CDHR2: variants seen among roughly 807,000 people sequenced by gnomAD.
CDHR2 encodes the protein cadherin related family member 2, also known as cadherin-related family member 2.
CDHR2 carries 104 observed loss-of-function variants against 138.6 expected under a neutral mutation model. The ratio of observed to expected loss-of-function variants is 0.75; its 90% CI spans 0.64 to 0.88. The LOEUF (loss-of-function observed/expected upper bound fraction) is 0.88, where lower values mean the gene tolerates loss of function less well. CDHR2 is among the 40% of genes least tolerant of loss of function. The pLI, the probability that CDHR2 is intolerant of heterozygous loss-of-function variation, is 0.00. For synonymous variants in CDHR2, 755 were observed against 742.8 expected (o/e 1.02, Z -0.27); for missense variants, 1,624 against 1,727.6 (o/e 0.94, Z 1.06).
chr5:176,562,445 A>G (rs537936485), intron 1 of CDHR2, among the ~76,000 whole-genome samples: 2 of 151,698 alleles, frequency 1.3e-5, no homozygotes, highest in Non-Finnish European at 2.9e-5. Context: ...ACTCGGGAGG[A>G]GGGGTGGGCA....
intron 16 of CDHR2, among the ~76,000 whole-genome samples, chr5:176,580,429 T>G (rs1234971537): frequency 6.8e-6 from 1 of 146,916 alleles, no homozygotes; most frequent in Non-Finnish European, 1.5e-5. Context: ...CTTGGGAGGC[T>G]GAGGCAGGAG....
chr5:176,546,964 A>G (rs372516429), upstream of CDHR2, among the ~76,000 whole-genome samples: 8 of 134,118 alleles, frequency 6.0e-5, no homozygotes, highest in South Asian at 1.3e-3. Flanking sequence ...GGCTATACGC[A>G]AAGTGGTCTT....
rs1322344775 is a variant in CDHR2, at chr5:176,543,908, G to A, written c.-16+1139G>A. On this transcript the variant is annotated intron_variant, in intron 1 of 31. Coordinates refer to the CDHR2 transcript ENST00000510636. This position sits in a 1 kb window ranked among gnomAD's most constrained non-coding sequence, Gnocchi z 4.0. ...AGGGATTACGTTCCCCGCAACCCCT[G>A]TGTCCCCATCGCTAGAGCCAACCTG... is the stretch of plus-strand genomic sequence containing the variant. 1.3e-5 allele frequency among the ~76,000 whole-genome samples: 2 copies of A among 152,218 alleles called. No individual in the cohort carries two copies. The highest frequency in any genetic ancestry group is 6.5e-5 in the Admixed American group (1 of 15,284).
chr5:176,578,095 G>T lies in CDHR2; in HGVS notation c.1574G>T (p.Gly525Val). 6.2e-7 allele frequency: 1 copy of T among 1,612,316 alleles called. No homozygotes were observed. Among genetic ancestry groups the T allele is most frequent in the South Asian group, 1.1e-5 (1 of 90,896 alleles). The part of the protein sequence containing the change: ...QITYSLLPGN[G>V]ADLFQVDPVS... ...ACCTACAGCCTGCTCCCAGGAAATG[G>T]GTAAGGGCTCAGGGTGGGCCGTAGG... Residue 525 changes from glycine (G) to valine (V), a missense_variant and splice_region_variant, in exon 15 of 32, where the codon GGG becomes GTG. Coordinates refer to ENST00000261944, the MANE Select transcript of CDHR2 (RefSeq NM_017675.6).
chr5:176,555,617 A>T (rs1757802160), intron 1 of CDHR2, among the ~76,000 whole-genome samples: 1 of 152,084 alleles, frequency 6.6e-6, no homozygotes, highest in South Asian at 2.1e-4. Context: ...AAAACTCTGA[A>T]ATGGGCCAAG....
chr5:176,583,973 A>G (rs1184206164), intron 17 of CDHR2, among the ~76,000 whole-genome samples: 9 of 152,142 alleles, frequency 5.9e-5, no homozygotes, highest in Admixed American at 5.9e-4. Flanking sequence ...ATGGATGTGT[A>G]AGGCCAAGGT....
At chr5:176,586,940 C>T in intron 21 of CDHR2, 98 bp downstream of exon 21, 1 of 960,722 alleles carries the variant, frequency 1.0e-6, no homozygotes, top group East Asian at 2.6e-5. Flanking sequence ...AATATATGGG[C>T]TCCAACACAT....
At position 176,589,158 on chromosome 5, in the gene CDHR2, C is replaced by A. The variant is rs768573125; in HGVS notation, c.2984C>A (p.Ala995Asp). 3 of 1,614,184 alleles carry A rather than the reference C, an allele frequency of 1.9e-6. No homozygotes were observed. The Admixed American group carries it at 5.0e-5, about 27-fold the overall frequency. ...TTCTCGATCTTCACCTCCTCCGAGGCCGACGTGTTCGCTGGGAGCATTCAG... is the reference window on the plus strand; with the variant it reads ...TTCTCGATCTTCACCTCCTCCGAGGACGACGTGTTCGCTGGGAGCATTCAG... ...GVFSIFTSSE[A>D]DVFAGSIQPV... is the part of the protein sequence containing the mutation. Residue 995 changes from alanine (A) to aspartate (D), a missense_variant, in exon 22 of 32, where the codon GCC becomes GAC. Transcript: ENST00000261944.
chr5:176,560,842 T>C (rs771453682), intron 1 of CDHR2, among the ~76,000 whole-genome samples: 2 of 152,234 alleles, frequency 1.3e-5, no homozygotes, highest in Non-Finnish European at 2.9e-5. Context: ...TGTTCCATGT[T>C]TCCCCAGCAG....
At position 176,544,012 on chromosome 5, in the gene CDHR2, C is replaced by T. The variant is rs573754618; in HGVS notation, c.-16+1243C>T. 1.6e-4 allele frequency among the ~76,000 whole-genome samples: 24 copies of T among 152,372 alleles called. No individual in the cohort carries two copies. In the South Asian group the frequency reaches 5.0e-3, roughly 32 times the overall value. ...AGCCCCACCGTCCCCGCCTCCTGGG[C>T]GCATTAGGCCAGCGAAGGCTGCACC... On this transcript the variant is annotated intron_variant, in intron 1 of 31. Coordinates refer to the CDHR2 transcript ENST00000510636.
Position 176,577,631 on chromosome 5 carries a change from C to T in CDHR2, c.1351-6C>T, listed in dbSNP as rs1203070996. On this transcript the variant is annotated splice_region_variant and splice_polypyrimidine_tract_variant and intron_variant, in intron 13 of 31. Transcript: ENST00000261944. The stretch of plus-strand genomic sequence containing the variant: ...CCACAGCTGCTGCCTCCTCCCCTGC[C>T]CCCAGGTTGTGGCCACAGACTCCGT... 2 of 1,614,068 alleles carry T rather than the reference C, an allele frequency of 1.2e-6. No homozygotes were observed. The highest frequency in any genetic ancestry group is 2.7e-5 in the African/African-American group (2 of 74,942).
chr5:176,565,626 G>A, intron 2 of CDHR2, 46 bp from the exon 3 acceptor site: 1 of 1,565,170 alleles, frequency 6.4e-7, no homozygotes. Flanking sequence ...TAGGGATCGG[G>A]TTTTGCAGGG....
chr5:176,595,750 A>G lies in CDHR2; in HGVS notation c.*78A>G. Reference sequence around the variant, plus strand: ...TGCACCTGTCTCCCTGGAGATGAAAATATATGACGCTGCCCTGCCTCCTGC... The same window carrying G: ...TGCACCTGTCTCCCTGGAGATGAAAGTATATGACGCTGCCCTGCCTCCTGC... On this transcript the variant is annotated 3_prime_UTR_variant, in exon 32 of 32. Transcript: ENST00000261944. 7.4e-7 allele frequency: 1 copy of G among 1,351,690 alleles called. No homozygotes were observed. Among genetic ancestry groups the G allele is most frequent in the Non-Finnish European group, 9.8e-7 (1 of 1,016,900 alleles). The allele number at this position is 1,351,690 out of a possible 1,614,324, so 83.7% of individuals were successfully genotyped here.
downstream of CDHR2, chr5:176,595,860 C>A: frequency 3.7e-6 from 2 of 544,696 alleles, no homozygotes; most frequent in Non-Finnish European, 6.0e-6. Flanking sequence ...AAAACTGCGG[C>A]TGGAGGGGTG....
chr5:176,554,480 G>T (rs981219379), intron 1 of CDHR2, among the ~76,000 whole-genome samples: 5 of 152,160 alleles, frequency 3.3e-5, no homozygotes, highest in Non-Finnish European at 5.9e-5. Flanking sequence ...TCACTTAGTG[G>T]GGTTATTATT....
chr5:176,589,563 G>A lies in CDHR2; in HGVS notation c.3153G>A (p.Leu1051=), dbSNP rs750353163. Residue 1051 remains leucine (L), a synonymous_variant, in exon 24 of 32, where the codon CTG becomes CTA. Coordinates refer to ENST00000261944, the MANE Select transcript of CDHR2 (RefSeq NM_017675.6). The part of the protein sequence containing the change: ...FTVDQSYRSR[L]QFSTPKEEVG... ...TGGACCAGAGTTACCGCTCGCGGCT[G>A]CAGTTCTCCACACCGAAGGAGGAGG... 1 of 1,614,088 alleles carries A rather than the reference G, an allele frequency of 6.2e-7. No homozygotes were observed. The highest frequency in any genetic ancestry group is 1.3e-5 in the African/African-American group (1 of 75,048).
intron 19 of CDHR2, 50 bp downstream of exon 19, chr5:176,585,065 G>A (rs758069848): frequency 2.1e-4 from 319 of 1,492,964 alleles, no homozygotes; most frequent in Middle Eastern, 1.5e-3. Flanking sequence ...CTTAGGGGCC[G>A]CGGGAAGGAG....
intron 17 of CDHR2, among the ~76,000 whole-genome samples, chr5:176,582,061 C>T (rs1758545984): frequency 6.6e-6 from 1 of 152,216 alleles, no homozygotes. Context: ...CCCTTTGTCA[C>T]CCAGGCTGCA....
At chr5:176,568,911 C>T in intron 4 of CDHR2, 49 bp from the exon 5 acceptor site, 2 of 1,611,842 alleles carry the variant, frequency 1.2e-6, no homozygotes, top group Non-Finnish European at 8.5e-7. Context: ...CCCCTGTGCT[C>T]CCACCCAGCG....
Sources: allele counts gnomAD v4.1 joint callset (sites outside exome capture counted in the v4.1 genomes callset), GRCh38; gene constraint gnomAD v4.1.1; non-coding constraint Gnocchi (gnomAD v3.1); transcripts MANE v1.5; gene names NCBI Gene and HGNC (gene_info 2026-07-23, HGNC 2026-07-21).